The following FHIT variants were observed in gnomAD, a reference collection of about 807,000 sequenced individuals.
The protein encoded by FHIT is bis(5'-adenosyl)-triphosphatase.
A neutral mutation model predicts 17.9 loss-of-function variants in FHIT; 19 were observed. The ratio of observed to expected loss-of-function variants is 1.06; its 90% CI spans 0.74 to 1.56. The LOEUF (loss-of-function observed/expected upper bound fraction) is 1.56. Among genes scored for constraint, FHIT ranks in the 40% most tolerant of loss-of-function variants. The pLI, the probability that FHIT is intolerant of heterozygous loss-of-function variation, is 0.00. For synonymous variants in FHIT, 81 were observed against 69.7 expected, an observed-to-expected ratio of 1.16 and a Z score of -0.81; for missense variants, 248 against 189.2, an observed-to-expected ratio of 1.31 and a Z score of -1.82.
At chr3:59,798,235 C>T (rs777783013) in intron 8 of FHIT, among the ~76,000 whole-genome samples, 18 of 152,198 alleles carry the variant, frequency 1.2e-4, no homozygotes, top group South Asian at 4.1e-4. Context: ...GTTGCACCTA[C>T]GCCGCCCAGC....
At chr3:60,164,004 C>T (rs6766262) in intron 5 of FHIT, among the ~76,000 whole-genome samples, 114,040 of 152,064 alleles carry the variant, frequency 0.75, 43,486 homozygotes, top group Non-Finnish European at 0.83. Flanking sequence ...TGCTCACCCT[C>T]AAATGTCCAG....
chr3:61,198,887 G>A (rs1225742787), intron 2 of FHIT, among the ~76,000 whole-genome samples: 1 of 108,012 alleles, frequency 9.3e-6, no homozygotes, highest in African/African-American at 3.3e-5. Flanking sequence ...TGCTGCTGCT[G>A]CCGCCGCCGA....
At chr3:60,578,276 A>C (rs1467848530) in intron 4 of FHIT, among the ~76,000 whole-genome samples, 2 of 152,010 alleles carry the variant, frequency 1.3e-5, no homozygotes, top group African/African-American at 4.8e-5. Flanking sequence ...GTCTCTACTA[A>C]AAATACAAAA....
intron 8 of FHIT, among the ~76,000 whole-genome samples, chr3:59,783,297 C>G (rs1702682824): frequency 1.3e-5 from 2 of 152,220 alleles, no homozygotes; most frequent in Non-Finnish European, 2.9e-5. Context: ...GGTGAAGCCC[C>G]TTCTCTGCTA....
At chr3:59,798,369 T>C (rs1043261786) in intron 8 of FHIT, among the ~76,000 whole-genome samples, 1 of 152,186 alleles carries the variant, frequency 6.6e-6, no homozygotes, top group East Asian at 1.9e-4. Flanking sequence ...AAGAGCAAGA[T>C]AGCAGGAGGA....
chr3:60,327,978 C>A (rs564813444), intron 5 of FHIT, among the ~76,000 whole-genome samples: 19 of 152,224 alleles, frequency 1.2e-4, no homozygotes, highest in African/African-American at 2.9e-4. Context: ...ATCCCAGAGC[C>A]CTGTGAGAGC....
chr3:60,282,696 G>A (rs566010694), intron 5 of FHIT, among the ~76,000 whole-genome samples: 8 of 152,146 alleles, frequency 5.3e-5, no homozygotes, highest in South Asian at 4.2e-4. Context: ...GTGGCGACAC[G>A]GAAGGAAAAT....
chr3:61,031,197 T>C (rs1448402728), intron 3 of FHIT, among the ~76,000 whole-genome samples: 2 of 152,234 alleles, frequency 1.3e-5, no homozygotes, highest in Non-Finnish European at 2.9e-5. Flanking sequence ...CAAAATGACT[T>C]TGTTTACAAG....
At chr3:60,878,820 C>G (rs1252484736) in intron 3 of FHIT, among the ~76,000 whole-genome samples, 1 of 152,132 alleles carries the variant, frequency 6.6e-6, no homozygotes, top group African/African-American at 2.4e-5. Context: ...GACATGAACT[C>G]ATCCTTTTTT....
intron 3 of FHIT, among the ~76,000 whole-genome samples, chr3:60,879,006 G>A (rs1048952272): frequency 2.0e-5 from 3 of 152,158 alleles, no homozygotes; most frequent in Non-Finnish European, 4.4e-5. Context: ...TATATACCCA[G>A]TAATGGGATG....
intron 2 of FHIT, among the ~76,000 whole-genome samples, chr3:61,125,318 C>T (rs564444464): frequency 1.3e-5 from 2 of 152,208 alleles, no homozygotes; most frequent in African/African-American, 4.8e-5. Context: ...CTAAAACTAC[C>T]TTATGTTAGG....
chr3:60,009,487 T>A (rs1266557807), intron 7 of FHIT, among the ~76,000 whole-genome samples: 2 of 152,074 alleles, frequency 1.3e-5, no homozygotes, highest in Non-Finnish European at 2.9e-5. Flanking sequence ...ATCATCACCA[T>A]CAAAGGTAAC....
intron 4 of FHIT, among the ~76,000 whole-genome samples, chr3:60,714,956 A>C (rs1453828176): frequency 6.6e-6 from 1 of 152,152 alleles, no homozygotes; most frequent in Non-Finnish European, 1.5e-5. Context: ...TATGGAACCA[A>C]AAAAGAGCCC....
intron 8 of FHIT, among the ~76,000 whole-genome samples, chr3:59,790,988 T>C (rs914493489): frequency 6.6e-6 from 1 of 152,226 alleles, no homozygotes; most frequent in Non-Finnish European, 1.5e-5. Context: ...AGGACTCTGG[T>C]GAAATGTCAG....
chr3:60,520,226 G>C (rs1188133089), intron 5 of FHIT, among the ~76,000 whole-genome samples: 1 of 151,520 alleles, frequency 6.6e-6, no homozygotes, highest in Non-Finnish European at 1.5e-5. Flanking sequence ...TCTTTTTTTA[G>C]ATATTTCTAG....
At chr3:59,966,998 T>C (rs1707957162) in intron 7 of FHIT, among the ~76,000 whole-genome samples, 2 of 152,184 alleles carry the variant, frequency 1.3e-5, no homozygotes, top group Non-Finnish European at 2.9e-5. Context: ...ATTTTCTTTC[T>C]TTATTCTATT....
chr3:60,808,496 A>G (rs1701472829), intron 4 of FHIT, among the ~76,000 whole-genome samples: 1 of 152,174 alleles, frequency 6.6e-6, no homozygotes, highest in Admixed American at 6.6e-5. Flanking sequence ...AGATATATTT[A>G]CAGGTCAAAA....
chr3:61,086,076 T>A (rs1372741442), intron 2 of FHIT, among the ~76,000 whole-genome samples: 1 of 152,178 alleles, frequency 6.6e-6, no homozygotes, highest in Non-Finnish European at 1.5e-5. Flanking sequence ...TTGTTTCCTT[T>A]CAAATGCTCA....
intron 3 of FHIT, among the ~76,000 whole-genome samples, chr3:60,959,580 C>T (rs376346978): frequency 6.6e-6 from 1 of 151,972 alleles, no homozygotes; most frequent in Non-Finnish European, 1.5e-5. Flanking sequence ...ATAAGGGGTT[C>T]GCCTAGTTTG....
Sources: gnomAD v4.1 joint callset for allele counts (sites outside exome capture counted in the v4.1 genomes callset) on GRCh38, gnomAD v4.1.1 for gene constraint, MANE v1.5 for transcripts, NCBI Gene and HGNC (gene_info 2026-07-23, HGNC 2026-07-21) for gene names.